Variants in MED13L observed in about 807,000 individuals in gnomAD.
MED13L encodes the protein mediator of RNA polymerase II transcription subunit 13-like.
MED13L carries 7 observed loss-of-function variants against 220.9 expected under a neutral mutation model. The observed-to-expected ratio is 0.03, with a 90% CI of 0.02 to 0.06. The LOEUF is 0.06. Ranked by LOEUF, MED13L falls within the 10% of genes least tolerant of loss-of-function variation. The pLI, the probability that MED13L is intolerant of heterozygous loss-of-function variation, is 1.00. For missense variants in MED13L, 1,965 were observed against 2,760.5 expected (o/e 0.71, Z 6.46); for synonymous variants, 1,011 against 1,015.2 (o/e 1.00, Z 0.08).
At chr12:116,198,714 G>T (rs1050345114) in intron 2 of MED13L, among the ~76,000 whole-genome samples, 1 of 143,260 alleles carries the variant, frequency 7.0e-6, no homozygotes, top group East Asian at 2.1e-4. Context: ...GACTAAGAGC[G>T]CCATAAAGAA....
chr12:116,269,933 GA>G (rs1309395526), intron 1 of MED13L, among the ~76,000 whole-genome samples: 1 of 145,526 alleles, frequency 6.9e-6, no homozygotes, highest in African/African-American at 2.5e-5. Context: ...AGAAGTCAAT[GA>G]AAAAATACAA....
rs535458203 is a variant in MED13L at position 116,106,917 on chromosome 12, T to C, written c.395+4511A>G. 8.6e-5 allele frequency among the ~76,000 whole-genome samples: 13 copies of C among 151,900 alleles called. No homozygotes were observed. In the South Asian group the frequency reaches 2.7e-3, roughly 32 times the overall value. On this transcript the variant is annotated intron_variant, in intron 3 of 30. Transcript: ENST00000281928. ...CATGATTAGCTGGGTAAATTGACTATGTGACTTTTAATGTTTGTCTCCCAC... is the reference window on the plus strand; with the variant it reads ...CATGATTAGCTGGGTAAATTGACTACGTGACTTTTAATGTTTGTCTCCCAC...
At chr12:116,031,758 AAGAAG>A (rs1566020919) in intron 4 of MED13L, among the ~76,000 whole-genome samples, 17 of 103,050 alleles carry the variant, frequency 1.6e-4, no homozygotes, top group East Asian at 6.1e-4. Flanking sequence ...AAGAAAAGAA[AAGAAG>A]GAAGGAAGGA....
At position 116,186,849 on chromosome 12, in the gene MED13L, A is replaced by ACCACTGT. The variant is rs1196716947; in HGVS notation, c.310+50612_310+50618dup. On this transcript the variant is annotated intron_variant, in intron 2 of 30. Coordinates refer to ENST00000281928, the MANE Select transcript of MED13L (RefSeq NM_015335.5). The stretch of plus-strand genomic sequence containing the variant: ...AGTTCTAAAAGTCCATATTTAATGT[A>ACCACTGT]CCACTGTTGTTCCTCTCAACAGCAA... Among the ~76,000 whole-genome samples, 3 of 152,206 alleles carry ACCACTGT rather than the reference A, an allele frequency of 2.0e-5. No individual in the cohort carries two copies. The East Asian group carries it at 5.8e-4, about 29-fold the overall frequency.
intron 4 of MED13L, among the ~76,000 whole-genome samples, chr12:116,060,661 C>T (rs1869392074): frequency 6.7e-6 from 1 of 149,848 alleles, no homozygotes; most frequent in Non-Finnish European, 1.5e-5. Flanking sequence ...TTACAATTAA[C>T]TGAAAGTACT....
intron 2 of MED13L, among the ~76,000 whole-genome samples, chr12:116,113,735 G>A (rs2137911218): frequency 8.4e-6 from 1 of 119,308 alleles, no homozygotes; most frequent in Admixed American, 8.5e-5. Flanking sequence ...AGAGAGGAGG[G>A]GGAGGGGAAG....
intron 1 of MED13L, among the ~76,000 whole-genome samples, chr12:116,250,280 A>G (rs1310472710): frequency 6.8e-6 from 1 of 146,358 alleles, no homozygotes; most frequent in Non-Finnish European, 1.5e-5. Flanking sequence ...GCCCTCAAAA[A>G]TTAAGGTAAA....
intron 1 of MED13L, among the ~76,000 whole-genome samples, chr12:116,261,736 C>T (rs1268330804): frequency 1.3e-5 from 2 of 152,122 alleles, no homozygotes; most frequent in African/African-American, 4.8e-5. Context: ...CACAAGAATG[C>T]AAATGCCATA....
intron 4 of MED13L, among the ~76,000 whole-genome samples, chr12:116,061,005 C>A (rs1186670470): frequency 1.3e-5 from 2 of 152,158 alleles, no homozygotes; most frequent in African/African-American, 2.4e-5. Context: ...CTCCTGCCTT[C>A]TTCTCCTCCC....
At chr12:116,011,417 T>G (rs539709430) in intron 9 of MED13L, among the ~76,000 whole-genome samples, 2 of 152,356 alleles carry the variant, frequency 1.3e-5, no homozygotes, top group South Asian at 2.1e-4. Context: ...TCCAGGTAGC[T>G]AATAAAAATG....
chr12:115,980,465 C>T (rs1457006374), intron 23 of MED13L: 1 of 410,304 alleles, frequency 2.4e-6, no homozygotes, highest in Non-Finnish European at 4.6e-6. Flanking sequence ...CCAGGACTAC[C>T]GGCACACATC....
chr12:115,986,193 G>A (rs948460442), intron 19 of MED13L, 73 bp downstream of exon 19: 1 of 1,426,146 alleles, frequency 7.0e-7, no homozygotes, highest in East Asian at 2.3e-5. Context: ...CATTTGTCTT[G>A]AAATTTAGTC....
intron 2 of MED13L, among the ~76,000 whole-genome samples, chr12:116,166,470 A>G (rs1202376519): frequency 6.6e-6 from 1 of 151,726 alleles, no homozygotes; most frequent in East Asian, 2.0e-4. Context: ...TGTAGTCCCA[A>G]CTACTCGGGA....
intron 1 of MED13L, among the ~76,000 whole-genome samples, chr12:116,241,538 T>G (rs867899324): frequency 1.2e-4 from 18 of 152,280 alleles, no homozygotes; most frequent in Middle Eastern, 3.4e-3. Flanking sequence ...GACAAAATAT[T>G]TGGCATTGTT....
chr12:116,056,598 G>A (rs1221508331), intron 4 of MED13L, among the ~76,000 whole-genome samples: 3 of 152,166 alleles, frequency 2.0e-5, no homozygotes, highest in Non-Finnish European at 4.4e-5. Context: ...GTTAAGACAT[G>A]ATTAAGTACT....
intron 1 of MED13L, among the ~76,000 whole-genome samples, chr12:116,238,678 T>C (rs1593197312): frequency 6.6e-6 from 1 of 152,312 alleles, no homozygotes; most frequent in East Asian, 1.9e-4. Context: ...TACCACTAGG[T>C]AGAAAACAGC....
At chr12:116,198,678 T>A (rs940894802) in intron 2 of MED13L, among the ~76,000 whole-genome samples, 24 of 152,266 alleles carry the variant, frequency 1.6e-4, no homozygotes, top group Middle Eastern at 3.4e-3. Context: ...TTAGTGTCCA[T>A]CATCCTGCCT....
chr12:116,147,263 A>G (rs1039470231), intron 2 of MED13L, among the ~76,000 whole-genome samples: 2 of 152,238 alleles, frequency 1.3e-5, no homozygotes, highest in Admixed American at 6.5e-5. Context: ...ATCATTTATC[A>G]TTTCAAATAG....
At chr12:116,181,449 G>A (rs1269156166) in intron 2 of MED13L, among the ~76,000 whole-genome samples, 3 of 152,084 alleles carry the variant, frequency 2.0e-5, no homozygotes, top group Non-Finnish European at 4.4e-5. Context: ...TACATAACAG[G>A]AATACATAAC....
Sources: allele counts gnomAD v4.1 joint callset (sites outside exome capture counted in the v4.1 genomes callset), GRCh38; gene constraint gnomAD v4.1.1; transcripts MANE v1.5; gene names NCBI Gene and HGNC (gene_info 2026-07-23, HGNC 2026-07-21).